The following CCDC83 variants were observed in gnomAD, a reference collection of about 807,000 sequenced individuals.
The protein encoded by CCDC83 is coiled-coil domain-containing protein 83.
CCDC83 carries 54 observed loss-of-function variants against 50.1 expected under a neutral mutation model. The observed-to-expected ratio is 1.08, with a 90% confidence interval of 0.87 to 1.35. CCDC83 has a LOEUF of 1.35. Among genes scored for constraint, CCDC83 ranks in the 40% most tolerant of loss-of-function variants. The pLI is 0.00. For missense variants in CCDC83, 518 were observed against 473.9 expected (o/e 1.09, Z -0.86); for synonymous variants, 161 against 153.3 (o/e 1.05, Z -0.37).
At chr11:85,874,995 T>C (rs1005775519) in intron 3 of CCDC83, among the ~76,000 whole-genome samples, 2 of 152,200 alleles carry the variant, frequency 1.3e-5, no homozygotes, top group Non-Finnish European at 2.9e-5. Context: ...GAGGTAGGCA[T>C]GCAGACATGC....
At chr11:85,911,439 C>T (rs1311051275) in intron 8 of CCDC83, 37 bp downstream of exon 8, 2 of 1,488,016 alleles carry the variant, frequency 1.3e-6, no homozygotes, top group Non-Finnish European at 1.8e-6. Context: ...ATTTTGTAAA[C>T]ATTTGTATCT....
chr11:85,899,568 G>A (rs2093391305), intron 7 of CCDC83, among the ~76,000 whole-genome samples: 1 of 152,120 alleles, frequency 6.6e-6, no homozygotes, highest in Non-Finnish European at 1.5e-5. Flanking sequence ...CAATTTCTTT[G>A]TGAATCATTT....
intron 8 of CCDC83, 70 bp downstream of exon 8, chr11:85,911,472 A>T (rs969070269): frequency 7.5e-7 from 1 of 1,330,010 alleles, no homozygotes; most frequent in Non-Finnish European, 1.0e-6. Flanking sequence ...TGTTTTTTTA[A>T]AACAAAAAAA....
intron 7 of CCDC83, among the ~76,000 whole-genome samples, chr11:85,899,465 G>A (rs1321694078): frequency 6.6e-6 from 1 of 152,176 alleles, no homozygotes; most frequent in African/African-American, 2.4e-5. Context: ...TCTCTAGATT[G>A]TACATGCTGG....
At chr11:85,883,359 G>A (rs1312709510) in intron 4 of CCDC83, among the ~76,000 whole-genome samples, 3 of 151,598 alleles carry the variant, frequency 2.0e-5, no homozygotes, top group Admixed American at 1.3e-4. Context: ...TTAGATTTGG[G>A]AATGATAAGG....
intron 5 of CCDC83, among the ~76,000 whole-genome samples, chr11:85,891,510 T>G (rs2093350346): frequency 6.6e-6 from 1 of 152,216 alleles, no homozygotes. Flanking sequence ...TGAGGGGTTA[T>G]TACAAGTCAT....
chr11:85,893,186 T>G (rs2093357926), intron 5 of CCDC83, among the ~76,000 whole-genome samples: 2 of 152,216 alleles, frequency 1.3e-5, no homozygotes, highest in African/African-American at 4.8e-5. Flanking sequence ...TTTGCCAAAT[T>G]TGATTTTCTT....
chr11:85,857,795 T>C (rs939300996), intron 1 of CCDC83, among the ~76,000 whole-genome samples: 6 of 152,132 alleles, frequency 3.9e-5, no homozygotes, highest in African/African-American at 1.4e-4. Flanking sequence ...TTCAGGCCCA[T>C]GTCATCATCA....
At chr11:85,869,273 T>C (rs1592141556) in intron 2 of CCDC83, among the ~76,000 whole-genome samples, 1 of 152,330 alleles carries the variant, frequency 6.6e-6, no homozygotes, top group Admixed American at 6.5e-5. Context: ...TGAACTTCTA[T>C]GGTTGTTTGT....
Position 85,916,050 on chromosome 11 carries a change from C to T in CCDC83, c.897C>T (p.Pro299=), listed in dbSNP as rs2093475743. 1.2e-6 allele frequency: 2 copies of T among 1,610,604 alleles called. No homozygotes were observed. Among genetic ancestry groups the T allele is most frequent in the African/African-American group, 1.3e-5 (1 of 74,780 alleles). The change falls in exon 10 of 11, where the codon CCC becomes CCT. Residue 299 remains proline (P), a synonymous_variant. Coordinates refer to ENST00000342404, the MANE Select transcript of CCDC83 (RefSeq NM_001286159.2). ...THIEEKSELQ[P]TEVESRDLMS... is the part of the protein sequence containing the mutation. ...AAGAAGAGAAGTCAGAATTGCAACC[C>T]ACAGAAGTAGAAAGTAGAGACTTGA...
chr11:85,889,589 T>C lies in CCDC83; in HGVS notation c.511+3222T>C, dbSNP rs890993778. Among the ~76,000 whole-genome samples, 12 of 152,192 alleles carry C rather than the reference T, an allele frequency of 7.9e-5. 1 individual carries two copies. Among genetic ancestry groups the C allele is most frequent in the African/African-American group, 2.7e-4 (11 of 41,444 alleles). On this transcript the variant is annotated intron_variant, in intron 5 of 10. Coordinates refer to ENST00000342404, the MANE Select transcript of CCDC83 (RefSeq NM_001286159.2). ...CCACCAGGGGAACTATTAGAACATG[T>C]TGGGGACCACTAACTGGACACAATG... is the stretch of plus-strand genomic sequence containing the variant.
intron 7 of CCDC83, among the ~76,000 whole-genome samples, chr11:85,905,367 A>C (rs1455168518): frequency 6.7e-6 from 1 of 150,362 alleles, no homozygotes; most frequent in Admixed American, 6.7e-5. Context: ...GCTTGAACCC[A>C]GGAGGCAAAG....
chr11:85,917,193 AG>A (rs2093484348), intron 10 of CCDC83, among the ~76,000 whole-genome samples: 1 of 50,442 alleles, frequency 2.0e-5, no homozygotes, highest in African/African-American at 7.3e-5. Context: ...AGAAAGAAAG[AG>A]AAAGAAAGAA....
At chr11:85,909,939 T>TA (rs1432007702) in intron 7 of CCDC83, among the ~76,000 whole-genome samples, 1 of 152,198 alleles carries the variant, frequency 6.6e-6, no homozygotes, top group African/African-American at 2.4e-5. Context: ...ACCTACAGGA[T>TA]AAAAACCAGA....
At chr11:85,902,491 A>G (rs1012876426) in intron 7 of CCDC83, among the ~76,000 whole-genome samples, 2 of 152,194 alleles carry the variant, frequency 1.3e-5, no homozygotes, top group African/African-American at 4.8e-5. Context: ...GCAGGCCTAA[A>G]AAGCATCCCG....
chr11:85,898,312 T>C (rs10501599), intron 6 of CCDC83, among the ~76,000 whole-genome samples: 42,724 of 152,092 alleles, frequency 0.28, 6,357 homozygotes, highest in African/African-American at 0.29. Flanking sequence ...ATAGTATCCA[T>C]ATAAAAGCAT....
At chr11:85,865,791 G>A (rs188098823) in intron 2 of CCDC83, among the ~76,000 whole-genome samples, 2 of 152,134 alleles carry the variant, frequency 1.3e-5, no homozygotes, top group Admixed American at 1.3e-4. Context: ...GGGAGACTGA[G>A]GCAGGAGAAT....
At chr11:85,901,805 G>A (rs2093403657) in intron 7 of CCDC83, among the ~76,000 whole-genome samples, 2 of 151,922 alleles carry the variant, frequency 1.3e-5, no homozygotes, top group South Asian at 4.2e-4. Flanking sequence ...GGGGTGGGAG[G>A]ATTGCTAGAG....
At chr11:85,894,318 T>C (rs1334255943) in intron 5 of CCDC83, among the ~76,000 whole-genome samples, 3 of 152,220 alleles carry the variant, frequency 2.0e-5, no homozygotes, top group Non-Finnish European at 4.4e-5. Flanking sequence ...ACATCATTTG[T>C]ATGGGAAAAT....
Sources: allele counts gnomAD v4.1 joint callset (sites outside exome capture counted in the v4.1 genomes callset), GRCh38; gene constraint gnomAD v4.1.1; transcripts MANE v1.5; gene names NCBI Gene and HGNC (gene_info 2026-07-23, HGNC 2026-07-21).